Variants in USPL1 observed in about 807,000 individuals in gnomAD.
The protein encoded by USPL1 is SUMO-specific isopeptidase USPL1.
In USPL1, 27 loss-of-function variants were observed where a neutral mutation model predicts 51.5. The ratio of observed to expected loss-of-function variants is 0.52; its 90% CI spans 0.39 to 0.72. The LOEUF is 0.72. Ranked by LOEUF, USPL1 falls within the 30% of genes least tolerant of loss-of-function variation. USPL1 has a pLI of 0.00. For synonymous variants in USPL1, 451 were observed against 459.6 expected (o/e 0.98, Z 0.24); for missense variants, 1,226 against 1,268.0 (o/e 0.97, Z 0.50).
chr13:30,633,889 C>T (rs963609938), intron 4 of USPL1, among the ~76,000 whole-genome samples: 1 of 150,982 alleles, frequency 6.6e-6, no homozygotes, highest in African/African-American at 2.4e-5. Flanking sequence ...AAATTGAATG[C>T]TTTTTCCATC....
intron 1 of USPL1, among the ~76,000 whole-genome samples, chr13:30,618,301 G>T (rs979416442): frequency 9.2e-5 from 14 of 152,168 alleles, no homozygotes; most frequent in African/African-American, 3.4e-4. Context: ...AGATGGGCAG[G>T]GTTAACGGAC....
chr13:30,651,349 T>A (rs1279265496), intron 7 of USPL1, among the ~76,000 whole-genome samples: 1 of 152,266 alleles, frequency 6.6e-6, no homozygotes, highest in Non-Finnish European at 1.5e-5. Flanking sequence ...AATGTACTTG[T>A]ACTCAGCTAG....
rs923421935 is a variant in USPL1 at position 30,658,753 on chromosome 13, T to A, written c.2676T>A (p.Leu892=). The A allele has an allele frequency of 7.4e-6, 12 of 1,614,018 alleles. No individual in the cohort carries two copies. Among genetic ancestry groups the A allele is most frequent in the Non-Finnish European group, 1.0e-5 (12 of 1,180,042 alleles). ...EGQIHKLRLK[L]RKKLKAEKKK... is the part of the protein sequence containing the mutation. ...AGATTCATAAACTTCGTCTAAAACTTCGTAAAAAGCTAAAGGCAGAAAAGA... is the reference window on the plus strand; with the variant it reads ...AGATTCATAAACTTCGTCTAAAACTACGTAAAAAGCTAAAGGCAGAAAAGA... The change falls in exon 9 of 9, where the codon CTT becomes CTA. Residue 892 remains leucine (L), a synonymous_variant. Coordinates refer to ENST00000255304, the MANE Select transcript of USPL1 (RefSeq NM_005800.5).
chr13:30,625,532 G>A (rs1458656494), intron 3 of USPL1, among the ~76,000 whole-genome samples: 4 of 138,700 alleles, frequency 2.9e-5, no homozygotes, highest in African/African-American at 5.4e-5. Context: ...CGCAACCTCC[G>A]ACTCCCTGGT....
intron 8 of USPL1, among the ~76,000 whole-genome samples, chr13:30,657,133 T>C (rs555830294): frequency 9.2e-5 from 14 of 152,322 alleles, no homozygotes; most frequent in Admixed American, 9.1e-4. Context: ...TCTTGACAAA[T>C]GTGAAAATGG....
At chr13:30,621,642 C>T in intron 2 of USPL1, 122 bp from the exon 3 acceptor site, 1 of 741,074 alleles carries the variant, frequency 1.3e-6, no homozygotes, top group Non-Finnish European at 1.9e-6. Flanking sequence ...GTTTAAAATA[C>T]CTTGTCAGGA....
In USPL1 at chr13:30,626,810, G is replaced by GTAGTC. The variant is rs1950723133; in HGVS notation, c.229-4022_229-4018dup. ...GTTTTAACTTTTTTTTTTTCGTGGA[G>GTAGTC]TAGTCTATCATTCAGCGTTTACTTT... On this transcript the variant is annotated intron_variant, in intron 3 of 8. Transcript: ENST00000255304. Among the ~76,000 whole-genome samples the GTAGTC allele has an allele frequency of 3.3e-5, 5 of 151,486 alleles. No individual in the cohort carries two copies. The South Asian group carries it at 1.0e-3, about 32-fold the overall frequency.
chr13:30,659,084 A>G lies in USPL1; in HGVS notation c.3007A>G (p.Ile1003Val), dbSNP rs767676457. ...GTATTTGGGAATGGGAGATAGTCAT[A>G]TCCCACCACCAGTACCAAGTGAATT... ...FRYLGMGDSH[I>V]PPPVPSEFND... The change falls in exon 9 of 9, where the codon ATC (isoleucine) becomes GTC (valine). Residue 1003 changes from isoleucine to valine, a missense_variant. Physicochemically the swap from Ile to Val is conservative, Grantham distance 29. Transcript: ENST00000255304. The G allele has an allele frequency of 5.6e-6, 9 of 1,614,222 alleles. No individual in the cohort carries two copies. In the South Asian group the frequency reaches 7.7e-5, roughly 14 times the overall value.
rs61182649 is a variant in USPL1 at position 30,639,222 on chromosome 13, G to GTATATA, written c.982+1383_982+1388dup. 5.9e-3 allele frequency among the ~76,000 whole-genome samples: 852 copies of GTATATA among 144,394 alleles called. 12 individuals are homozygous for GTATATA. The highest frequency in any genetic ancestry group is 0.02 in the African/African-American group (789 of 39,444). The allele number at this position is 144,394 out of a possible 152,430, so 94.7% of individuals were successfully genotyped here. A position where few individuals can be genotyped will look rare whatever the true frequency, so the allele number is the denominator to read the frequency against. ...AGAGCGAGACTCCGTCTCAAAAAAT[G>GTATATA]TATATATATATATATATATATATGT... On this transcript the variant is annotated intron_variant, in intron 5 of 8. Coordinates refer to ENST00000255304, the MANE Select transcript of USPL1 (RefSeq NM_005800.5).
intron 3 of USPL1, among the ~76,000 whole-genome samples, chr13:30,627,885 C>CT (rs1220449277): frequency 4.0e-5 from 6 of 150,360 alleles, no homozygotes; most frequent in East Asian, 2.0e-4. Context: ...TGTTTCTTTT[C>CT]TTTTTTTTTC....
rs770326825 is a variant in USPL1, at chr13:30,631,070, A to G, written c.464A>G (p.Asp155Gly). 21 of 1,614,062 alleles carry G rather than the reference A, an allele frequency of 1.3e-5. No homozygotes were observed. The highest frequency in any genetic ancestry group is 8.9e-5 in the East Asian group (4 of 44,898). ...VYDETSSNLP[D>G]SSGQQNPIRT... ...GACGAAACCTCGTCAAACTTACCTG[A>G]TAGTAGTGGTCAACAGAATCCAATT... The change falls in exon 4 of 9, where the codon GAT (aspartate) becomes GGT (glycine). Residue 155 changes from aspartate to glycine, a missense_variant. Coordinates refer to ENST00000255304, the MANE Select transcript of USPL1 (RefSeq NM_005800.5).
Position 30,631,482 on chromosome 13 carries a change from C to T in USPL1, c.868+8C>T, listed in dbSNP as rs1394185876. ...AATTGAGTGGTGTTAAAGGTTGGTA[C>T]TAATATTTTATTTTTATTTACTTAT... On this transcript the variant is annotated splice_region_variant and intron_variant, in intron 4 of 8. Coordinates refer to ENST00000255304, the MANE Select transcript of USPL1 (RefSeq NM_005800.5). The T allele has an allele frequency of 6.3e-7, 1 of 1,589,996 alleles. No individual in the cohort carries two copies. The highest frequency in any genetic ancestry group is 8.5e-7 in the Non-Finnish European group (1 of 1,170,336).
intron 3 of USPL1, among the ~76,000 whole-genome samples, chr13:30,626,885 A>T (rs1950724015): frequency 1.3e-5 from 2 of 152,082 alleles, no homozygotes; most frequent in African/African-American, 4.8e-5. Context: ...TATAATAAAA[A>T]TTTTAAATCA....
intron 3 of USPL1, among the ~76,000 whole-genome samples, chr13:30,628,204 A>G (rs1001698587): frequency 2.0e-5 from 3 of 151,794 alleles, no homozygotes; most frequent in Non-Finnish European, 4.4e-5. Flanking sequence ...CCTCTAGTTT[A>G]TGTTTCTATG....
At chr13:30,631,781 A>G (rs747702598) in intron 4 of USPL1, among the ~76,000 whole-genome samples, 1 of 152,174 alleles carries the variant, frequency 6.6e-6, no homozygotes, top group Admixed American at 6.5e-5. Flanking sequence ...ATGAGTCACC[A>G]TTCCAGCCTA....
chr13:30,636,635 G>T (rs560771957), intron 4 of USPL1, among the ~76,000 whole-genome samples: 3 of 152,218 alleles, frequency 2.0e-5, no homozygotes, highest in Middle Eastern at 3.4e-3. Flanking sequence ...ATAAAGAAGT[G>T]ATCAAAAACA....
rs1025494564 is a variant in USPL1 at position 30,659,449 on chromosome 13, A to G, written c.*93A>G. ...TAGTGTTTATACACTGGACTTGTGT[A>G]ATTACTTGTGTAATAACCATGAACA... On this transcript the variant is annotated 3_prime_UTR_variant, in exon 9 of 9. Coordinates refer to ENST00000255304, the MANE Select transcript of USPL1 (RefSeq NM_005800.5). 4 of 1,135,232 alleles carry G rather than the reference A, an allele frequency of 3.5e-6. No homozygotes were observed. In the African/African-American group the frequency reaches 6.3e-5, roughly 18 times the overall value. 70.3% of individuals were successfully genotyped at this position (1,135,232 alleles called of 1,614,324 possible). A position where few individuals can be genotyped will look rare whatever the true frequency, so the allele number is the denominator to read the frequency against.
At position 30,659,114 on chromosome 13, in the gene USPL1, G is replaced by A. The variant is rs144388857; in HGVS notation, c.3037G>A (p.Asp1013Asn). 2.5e-6 allele frequency: 4 copies of A among 1,614,080 alleles called. No individual in the cohort carries two copies. Among genetic ancestry groups the A allele is most frequent in the African/African-American group, 2.7e-5 (2 of 74,934 alleles). ...IPPPVPSEFNDVSQNTHLRQD... is the reference protein window; with the variant it reads ...IPPPVPSEFNNVSQNTHLRQD... ...ACCACCAGTACCAAGTGAATTCAAT[G>A]ATGTTTCCCAGAACACACATCTGAG... The change falls in exon 9 of 9, where the codon GAT (aspartate) becomes AAT (asparagine). Residue 1013 changes from aspartate (D) to asparagine (N), a missense_variant. By Grantham distance (23) the Asp-to-Asn change is conservative. Coordinates refer to ENST00000255304, the MANE Select transcript of USPL1 (RefSeq NM_005800.5).
In USPL1 at chr13:30,659,395, T is replaced by C. The variant is rs780916644; in HGVS notation, c.*39T>C. 53 of 1,447,666 alleles carry C rather than the reference T, an allele frequency of 3.7e-5. No homozygotes were observed. The highest frequency in any genetic ancestry group is 4.7e-5 in the Non-Finnish European group (51 of 1,089,150). The allele number at this position is 1,447,666 out of a possible 1,614,324, so 89.7% of individuals were successfully genotyped here. A position where few individuals can be genotyped will look rare whatever the true frequency, so the allele number is the denominator to read the frequency against. ...AACTTTTTTCATATAATATTTATTA[T>C]TATTAGAAGAACTTACAATGTGTTC... On this transcript the variant is annotated 3_prime_UTR_variant, in exon 9 of 9. Transcript: ENST00000255304.
Sources: gnomAD v4.1 joint callset for allele counts (sites outside exome capture counted in the v4.1 genomes callset) on GRCh38, gnomAD v4.1.1 for gene constraint, MANE v1.5 for transcripts, NCBI Gene and HGNC (gene_info 2026-07-23, HGNC 2026-07-21) for gene names.